The following PTPRQ variants were observed in gnomAD, a reference collection of about 807,000 sequenced individuals.
PTPRQ encodes the protein protein tyrosine phosphatase receptor type Q.
In PTPRQ, 199 loss-of-function variants were observed where a neutral mutation model predicts 246.0. The observed-to-expected ratio is 0.81, with a 90% CI of 0.72 to 0.91. The LOEUF (loss-of-function observed/expected upper bound fraction) is 0.91. PTPRQ is among the 40% of genes least tolerant of loss of function. The pLI, the probability that PTPRQ is intolerant of heterozygous loss-of-function variation, is 0.00. For synonymous variants in PTPRQ, 869 were observed against 853.2 expected, an observed-to-expected ratio of 1.02 and a Z score of -0.32; for missense variants, 2,624 against 2,528.4, an observed-to-expected ratio of 1.04 and a Z score of -0.81.
intron 8 of PTPRQ, among the ~76,000 whole-genome samples, chr12:80,479,563 T>C (rs1454602853): frequency 1.4e-5 from 2 of 144,808 alleles, no homozygotes; most frequent in Non-Finnish European, 3.0e-5. Flanking sequence ...AATGCTCCAA[T>C]TAAAAGACAC....
intron 25 of PTPRQ, among the ~76,000 whole-genome samples, chr12:80,558,046 TCTCCCTTC>T (rs1896695216): frequency 6.6e-6 from 1 of 151,280 alleles, no homozygotes; most frequent in East Asian, 1.9e-4. Flanking sequence ...TCTCTCTCTT[TCTCCCTTC>T]CTCCCTTCCT....
chr12:80,559,669 C>T (rs1896767872), intron 25 of PTPRQ, among the ~76,000 whole-genome samples: 1 of 152,096 alleles, frequency 6.6e-6, no homozygotes, highest in African/African-American at 2.4e-5. Flanking sequence ...TTTCTCTTAG[C>T]TTTCTAATCA....
chr12:80,497,432 G>C (rs999005290), intron 14 of PTPRQ, among the ~76,000 whole-genome samples: 5 of 152,154 alleles, frequency 3.3e-5, no homozygotes, highest in African/African-American at 1.2e-4. Context: ...AGTAATTCAG[G>C]CGATAGGGAG....
At chr12:80,568,704 T>C (rs2120945793) in intron 25 of PTPRQ, among the ~76,000 whole-genome samples, 1 of 152,290 alleles carries the variant, frequency 6.6e-6, no homozygotes, top group East Asian at 1.9e-4. Context: ...GTCACACGAG[T>C]TCATTGCTGT....
intron 9 of PTPRQ, among the ~76,000 whole-genome samples, chr12:80,490,107 C>T (rs143869602): frequency 3.0e-4 from 45 of 151,980 alleles, no homozygotes; most frequent in African/African-American, 9.4e-4. Context: ...GGAACATAAA[C>T]GGAGTCAAGA....
chr12:80,553,100 G>A (rs1250499036), intron 25 of PTPRQ, among the ~76,000 whole-genome samples: 1 of 151,940 alleles, frequency 6.6e-6, no homozygotes, highest in Non-Finnish European at 1.5e-5. Context: ...AGAAAGAAAT[G>A]AATTGTTTTC....
At position 80,541,576 on chromosome 12, in the gene PTPRQ, A is replaced by G. The variant is rs1896152373; in HGVS notation, c.3176A>G (p.Asn1059Ser). Residue 1059 changes from asparagine (N) to serine (S), a missense_variant, in exon 21 of 45, where the codon AAC becomes AGC. Transcript: ENST00000644991. Reference sequence around the variant, plus strand: ...ATAGTACCTGAAGGGTTTGTTGGAAACCTGACTTACGAATCCATTTCGTCA... The same window carrying G: ...ATAGTACCTGAAGGGTTTGTTGGAAGCCTGACTTACGAATCCATTTCGTCA... ...DQDIPEGFVG[N>S]LTYESISSTA... 6.5e-7 allele frequency: 1 copy of G among 1,531,676 alleles called. No individual in the cohort carries two copies. Among genetic ancestry groups the G allele is most frequent in the Non-Finnish European group, 8.8e-7 (1 of 1,137,076 alleles). 94.9% of individuals were successfully genotyped at this position (1,531,676 alleles called of 1,614,324 possible).
Position 80,451,256 on chromosome 12 carries a change from G to C in PTPRQ, c.390+5539G>C, listed in dbSNP as rs1488164805. Among the ~76,000 whole-genome samples, 3 of 144,952 alleles carry C rather than the reference G, an allele frequency of 2.1e-5. No individual in the cohort carries two copies. In the East Asian group the frequency reaches 6.2e-4, roughly 30 times the overall value. On this transcript the variant is annotated intron_variant, in intron 3 of 44. Transcript: ENST00000644991. ...TTATCATTTTTTATTGCATCTATTTGATTCTTCTCTCTTTTCTTCTTTATT... is the reference window on the plus strand; with the variant it reads ...TTATCATTTTTTATTGCATCTATTTCATTCTTCTCTCTTTTCTTCTTTATT...
rs765658562 is a variant in PTPRQ, at chr12:80,652,751, C to T, written c.6032C>T (p.Pro2011Leu). 1 of 1,491,482 alleles carries T rather than the reference C, an allele frequency of 6.7e-7. No individual in the cohort carries two copies. Among genetic ancestry groups the T allele is most frequent in the South Asian group, 1.4e-5 (1 of 70,494 alleles). 92.4% of individuals were successfully genotyped at this position (1,491,482 alleles called of 1,614,324 possible). Residue 2011 changes from proline (P) to leucine (L), a missense_variant, in exon 38 of 45, where the codon CCA becomes CTA. Pro to Leu is a moderately conservative substitution (Grantham distance 98, BLOSUM62 -3). Coordinates refer to ENST00000644991, the MANE Select transcript of PTPRQ (RefSeq NM_001145026.2). ...LKFQEEFSEL[P>L]KFLQDLSSTD... ...AATGACTTTATTTTACAGGAATTAC[C>T]AAAATTTCTTCAGGATCTTTCTTCA...
Position 80,669,465 on chromosome 12 carries a change from G to GT in PTPRQ, c.6453+2dup. 3 of 1,526,006 alleles carry GT rather than the reference G, an allele frequency of 2.0e-6. No homozygotes were observed. The highest frequency in any genetic ancestry group is 2.6e-6 in the Non-Finnish European group (3 of 1,137,790). 94.5% of individuals were successfully genotyped at this position (1,526,006 alleles called of 1,614,324 possible). ...TATCAGGGATCTGAAAATTGAAAGG[G>GT]TAAAAAAAAAAGGGGGGGACGAGAG... On this transcript the variant is annotated splice_donor_variant, in intron 41 of 44. Transcript: ENST00000644991. LOFTEE classifies it high-confidence loss of function.
chr12:80,538,698 A>G (rs1361428341), intron 19 of PTPRQ, among the ~76,000 whole-genome samples: 1 of 152,192 alleles, frequency 6.6e-6, no homozygotes, highest in Non-Finnish European at 1.5e-5. Flanking sequence ...TAAATTTCAG[A>G]ACCATTCTTA....
At chr12:80,583,974 G>A (rs1193889831) in intron 25 of PTPRQ, 1 of 152,216 alleles carries the variant, frequency 6.6e-6, no homozygotes, top group Admixed American at 6.5e-5. Flanking sequence ...TCCTTCTTGA[G>A]AGCCAACAAT....
In PTPRQ at chr12:80,545,876, A is replaced by G. The variant is rs572333390; in HGVS notation, c.3874-680A>G. ...CACAGGAATGCTGTGGGTATTAAAA[A>G]TGAATTTAGATGAGTTCAGAAAACT... On this transcript the variant is annotated intron_variant, in intron 23 of 44. Coordinates refer to ENST00000644991, the MANE Select transcript of PTPRQ (RefSeq NM_001145026.2). Among the ~76,000 whole-genome samples, 10 of 151,456 alleles carry G rather than the reference A, an allele frequency of 6.6e-5. No homozygotes were observed. In the East Asian group the frequency reaches 1.9e-3, roughly 29 times the overall value.
chr12:80,603,942 G>A lies in PTPRQ; in HGVS notation c.4610-1117G>A, dbSNP rs1898225302. On this transcript the variant is annotated intron_variant, in intron 26 of 44. Transcript: ENST00000644991. ...CAACAATGTGGCAAATACTGAACTAGCCACTTTTACATACTTTGTTTTCAT... is the reference window on the plus strand; with the variant it reads ...CAACAATGTGGCAAATACTGAACTAACCACTTTTACATACTTTGTTTTCAT... 2.0e-5 allele frequency among the ~76,000 whole-genome samples: 3 copies of A among 151,406 alleles called. No homozygotes were observed. In the Admixed American group the frequency reaches 2.0e-4, roughly 10 times the overall value.
intron 26 of PTPRQ, among the ~76,000 whole-genome samples, chr12:80,589,478 A>T (rs1897720906): frequency 6.6e-6 from 1 of 152,146 alleles, no homozygotes; most frequent in Non-Finnish European, 1.5e-5. Flanking sequence ...AACATTTTTG[A>T]TACTTATTAG....
chr12:80,586,583 A>G (rs953936265), intron 25 of PTPRQ: 13 of 152,172 alleles, frequency 8.5e-5, no homozygotes, highest in Non-Finnish European at 1.5e-4. Flanking sequence ...GCTGCTATAA[A>G]GGAATTTAGT....
At chr12:80,622,335 A>G (rs1343598868) in intron 33 of PTPRQ, among the ~76,000 whole-genome samples, 6 of 152,056 alleles carry the variant, frequency 3.9e-5, no homozygotes, top group Admixed American at 3.3e-4. Context: ...TTGTTACACA[A>G]ACATCTGTCA....
chr12:80,664,575 C>T, intron 39 of PTPRQ, among the ~76,000 whole-genome samples: 1 of 152,000 alleles, frequency 6.6e-6, no homozygotes, highest in African/African-American at 2.4e-5. Flanking sequence ...ATAAAAATAT[C>T]TTGATATTAT....
intron 8 of PTPRQ, among the ~76,000 whole-genome samples, chr12:80,473,576 G>T (rs1473100302): frequency 6.6e-6 from 1 of 152,056 alleles, no homozygotes; most frequent in Non-Finnish European, 1.5e-5. Flanking sequence ...GCTGATTTTG[G>T]TGCTTCCAAA....
Sources: gnomAD v4.1 joint callset for allele counts (sites outside exome capture counted in the v4.1 genomes callset) on GRCh38, gnomAD v4.1.1 for gene constraint, MANE v1.5 for transcripts, NCBI Gene and HGNC (gene_info 2026-07-23, HGNC 2026-07-21) for gene names.